The following FRMD6 variants were observed in gnomAD, a reference collection of about 807,000 sequenced individuals.
FRMD6 encodes FERM domain containing 6.
FRMD6 carries 37 observed loss-of-function variants against 73.2 expected under a neutral mutation model. The observed-to-expected ratio is 0.51, with a 90% CI of 0.39 to 0.66. FRMD6 has a LOEUF of 0.66. Ranked by LOEUF, FRMD6 falls within the 30% of genes least tolerant of loss-of-function variation. The pLI is 0.00. For missense variants in FRMD6, 714 were observed against 780.5 expected, an observed-to-expected ratio of 0.91 and a Z score of 1.02; for synonymous variants, 273 against 282.2, an observed-to-expected ratio of 0.97 and a Z score of 0.33.
In FRMD6 at chr14:51,728,026, G is replaced by T; in HGVS notation, c.1866G>T (p.Val622=). The T allele has an allele frequency of 6.2e-7, 1 of 1,605,230 alleles. No individual in the cohort carries two copies. Among genetic ancestry groups the T allele is most frequent in the Non-Finnish European group, 8.5e-7 (1 of 1,173,104 alleles). Residue 622 remains valine (V), a synonymous_variant, in exon 14 of 14, where the codon GTG becomes GTT. Transcript: ENST00000344768. ...LTHDEVPEFV[V] ...ATGATGAAGTTCCAGAGTTTGTTGT[G>T]TAAAGTCCGTCTGTGTGCAGCTGTA...
At chr14:51,625,000 A>T (rs1891064091) in intron 2 of FRMD6, among the ~76,000 whole-genome samples, 1 of 152,262 alleles carries the variant, frequency 6.6e-6, no homozygotes, top group African/African-American at 2.4e-5. Context: ...AATGAAAGTT[A>T]TATTGTATCT....
chr14:51,645,570 G>A (rs1892026577), intron 2 of FRMD6, among the ~76,000 whole-genome samples: 1 of 152,000 alleles, frequency 6.6e-6, no homozygotes, highest in African/African-American at 2.4e-5. Context: ...AGGAGTAGCT[G>A]GGACCATAGC....
the FRMD6 span, among the ~76,000 whole-genome samples, chr14:51,467,733 G>A: frequency 6.6e-6 from 1 of 151,694 alleles, no homozygotes; most frequent in Admixed American, 6.6e-5. Context: ...CCAGACGATG[G>A]GTGGCCGGGC....
At chr14:51,477,670 T>G in the FRMD6 span, among the ~76,000 whole-genome samples, 7 of 152,162 alleles carry the variant, frequency 4.6e-5, no homozygotes, top group Admixed American at 2.0e-4. Flanking sequence ...AGCAGTATAT[T>G]TCATGTTCTC....
At chr14:51,644,894 A>C (rs1046692418) in intron 2 of FRMD6, among the ~76,000 whole-genome samples, 2 of 152,230 alleles carry the variant, frequency 1.3e-5, no homozygotes, top group Admixed American at 6.5e-5. Flanking sequence ...TCTTGAAGCT[A>C]AATCTAGTTA....
the FRMD6 span, among the ~76,000 whole-genome samples, chr14:51,415,059 G>A: frequency 6.6e-6 from 1 of 152,170 alleles, no homozygotes; most frequent in Non-Finnish European, 1.5e-5. Context: ...GGGCTGAGAT[G>A]ATGGGGTTTT....
the FRMD6 span, among the ~76,000 whole-genome samples, chr14:51,434,705 A>T: frequency 1.3e-5 from 2 of 152,184 alleles, no homozygotes; most frequent in African/African-American, 4.8e-5. Context: ...TTAATGAAGA[A>T]ATAAGACTAT....
At chr14:51,569,095 C>G (rs1330481733) in intron 1 of FRMD6, among the ~76,000 whole-genome samples, 1 of 152,118 alleles carries the variant, frequency 6.6e-6, no homozygotes, top group African/African-American at 2.4e-5. Context: ...ATCCCCCGAC[C>G]TCTGCCACCC....
the FRMD6 span, among the ~76,000 whole-genome samples, chr14:51,453,987 G>A: frequency 6.6e-6 from 1 of 152,224 alleles, no homozygotes; most frequent in East Asian, 1.9e-4. Flanking sequence ...CAAAGGCGAT[G>A]AAGCAGGGCT....
chr14:51,638,987 T>C (rs1394251996), intron 2 of FRMD6, among the ~76,000 whole-genome samples: 1 of 72,330 alleles, frequency 1.4e-5, no homozygotes, highest in East Asian at 2.3e-4. Flanking sequence ...CCCGGTTTTC[T>C]GATACATAGT....
chr14:51,630,897 C>T (rs1852311655), intron 2 of FRMD6, among the ~76,000 whole-genome samples: 1 of 152,158 alleles, frequency 6.6e-6, no homozygotes, highest in African/African-American at 2.4e-5. Context: ...TAGTACAAGG[C>T]TTCCACTCAT....
At chr14:51,596,775 A>G (rs370246252) in intron 2 of FRMD6, among the ~76,000 whole-genome samples, 140 of 152,282 alleles carry the variant, frequency 9.2e-4, no homozygotes, top group African/African-American at 3.2e-3. Context: ...ATGGGCCCAG[A>G]AAGAGCAATG....
intron 2 of FRMD6, among the ~76,000 whole-genome samples, chr14:51,603,712 C>T (rs1890132916): frequency 6.6e-6 from 1 of 152,114 alleles, no homozygotes; most frequent in Non-Finnish European, 1.5e-5. Context: ...GTTACGTAAC[C>T]TGGACTGAAG....
At chr14:51,487,424 T>A (rs960502177), upstream of FRMD6, among the ~76,000 whole-genome samples, 1 of 152,230 alleles carries the variant, frequency 6.6e-6, no homozygotes, top group African/African-American at 2.4e-5. Flanking sequence ...AGCCAGTGCT[T>A]TTCAGACTCT....
At chr14:51,638,887 G>T (rs1891694193) in intron 2 of FRMD6, among the ~76,000 whole-genome samples, 1 of 152,066 alleles carries the variant, frequency 6.6e-6, no homozygotes, top group Non-Finnish European at 1.5e-5. Context: ...CACTAGAAAT[G>T]GGCTAAGAAT....
At chr14:51,678,439 T>C (rs1335392527) in intron 1 of FRMD6, among the ~76,000 whole-genome samples, 1 of 152,164 alleles carries the variant, frequency 6.6e-6, no homozygotes, top group Non-Finnish European at 1.5e-5. Flanking sequence ...GTCCACTAAA[T>C]TTGGAGACAA....
chr14:51,426,919 G>A, the FRMD6 span, among the ~76,000 whole-genome samples: 3 of 152,178 alleles, frequency 2.0e-5, no homozygotes, highest in African/African-American at 7.2e-5. Context: ...AGCTGACAGA[G>A]CAGAATTTGC....
At chr14:51,572,838 T>G (rs1596630930) in intron 2 of FRMD6, among the ~76,000 whole-genome samples, 2 of 152,238 alleles carry the variant, frequency 1.3e-5, no homozygotes, top group Non-Finnish European at 2.9e-5. Context: ...AGCTTAATGT[T>G]GTCTCCTCAA....
rs1884008683 is a variant in FRMD6 at position 51,507,086 on chromosome 14, AC to A, written c.-210+17667del. Among the ~76,000 whole-genome samples, 10 of 13,530 alleles carry A rather than the reference AC, an allele frequency of 7.4e-4. No individual in the cohort carries two copies. The South Asian group carries it at 0.026, about 35-fold the overall frequency. The allele number at this position is 13,530 out of a possible 152,430, so 8.9% of individuals were successfully genotyped here. ...AATGATTAGAATTGGTTGTATAGAC[AC>A]ACACACACACACACACACACACACA... On this transcript the variant is annotated intron_variant, in intron 1 of 14. Coordinates refer to the FRMD6 transcript ENST00000356218.
Sources: allele counts gnomAD v4.1 joint callset (sites outside exome capture counted in the v4.1 genomes callset), GRCh38; gene constraint gnomAD v4.1.1; transcripts MANE v1.5; gene names NCBI Gene and HGNC (gene_info 2026-07-23, HGNC 2026-07-21).